FHIT: variants seen among roughly 807,000 people sequenced by gnomAD.
FHIT encodes the protein fragile histidine triad diadenosine triphosphatase, also known as bis(5'-adenosyl)-triphosphatase.
FHIT carries 19 observed loss-of-function variants against 17.9 expected under a neutral mutation model. The observed-to-expected ratio is 1.06, with a 90% confidence interval of 0.74 to 1.56. FHIT has a LOEUF of 1.56. Among genes scored for constraint, FHIT ranks in the 40% most tolerant of loss-of-function variants. The probability of loss-of-function intolerance (pLI) is 0.00; values close to 1 mark genes in which losing one functional copy is unlikely to be tolerated. For missense variants in FHIT, 248 were observed against 189.2 expected (o/e 1.31, Z -1.82); for synonymous variants, 81 against 69.7 (o/e 1.16, Z -0.81).
chr3:60,266,146 AC>A (rs1278082625), intron 5 of FHIT, among the ~76,000 whole-genome samples: 1 of 152,090 alleles, frequency 6.6e-6, no homozygotes, highest in African/African-American at 2.4e-5. Context: ...AAGTGGAAAC[AC>A]CCCAAATTTC....
At chr3:60,668,403 C>T (rs1399498209) in intron 4 of FHIT, among the ~76,000 whole-genome samples, 2 of 139,358 alleles carry the variant, frequency 1.4e-5, no homozygotes, top group Non-Finnish European at 1.6e-5. Context: ...AAAAATCAGC[C>T]TCCCTGAGCT....
chr3:60,418,652 G>A (rs1702357010), intron 5 of FHIT, among the ~76,000 whole-genome samples: 1 of 142,084 alleles, frequency 7.0e-6, no homozygotes, highest in South Asian at 2.2e-4. Context: ...GCAAAGTAAT[G>A]AGAAAAAAGT....
chr3:60,861,164 TC>T (rs1415494490), intron 3 of FHIT, among the ~76,000 whole-genome samples: 2 of 31,034 alleles, frequency 6.4e-5, no homozygotes, highest in Non-Finnish European at 1.1e-4. Context: ...TACATATATA[TC>T]ATATGTTCTA....
intron 5 of FHIT, among the ~76,000 whole-genome samples, chr3:60,068,680 A>G (rs2630175): frequency 0.33 from 50,523 of 151,874 alleles, 9,652 homozygotes; most frequent in African/African-American, 0.53. Flanking sequence ...GATTTCATAC[A>G]CATCTAAATT....
intron 4 of FHIT, among the ~76,000 whole-genome samples, chr3:60,612,584 T>C (rs2038820072): frequency 6.6e-6 from 1 of 152,208 alleles, no homozygotes; most frequent in Non-Finnish European, 1.5e-5. Context: ...ATTTGTGCCC[T>C]TCTTATAGCC....
intron 4 of FHIT, among the ~76,000 whole-genome samples, chr3:60,627,813 C>T (rs7633753): frequency 0.13 from 19,049 of 152,214 alleles, 1,436 homozygotes; most frequent in Non-Finnish European, 0.17. Flanking sequence ...TGAGCCACTG[C>T]GCCTGGCCAG....
At chr3:60,124,009 T>TATATAGAGAGAG (rs1384962194) in intron 5 of FHIT, among the ~76,000 whole-genome samples, 1 of 12,156 alleles carries the variant, frequency 8.2e-5, no homozygotes, top group Non-Finnish European at 1.5e-4. Context: ...TATATATATA[T>TATATAGAGAGAG]AGAGAGAGAG....
In FHIT at chr3:60,595,578, C is replaced by T. The variant is rs543734498; in HGVS notation, c.-17-58599G>A. 2.0e-3 allele frequency among the ~76,000 whole-genome samples: 294 copies of T among 149,738 alleles called. 4 individuals are homozygous for T. The highest frequency in any genetic ancestry group is 3.4e-3 in the Middle Eastern group (1 of 290). ...ATGGACATATGTGTATATATATATA[C>T]GCACATACGTATGTGTATATACGTG... is the stretch of plus-strand genomic sequence containing the variant. On this transcript the variant is annotated intron_variant, in intron 4 of 9. Transcript: ENST00000492590.
intron 7 of FHIT, among the ~76,000 whole-genome samples, chr3:59,966,777 T>A (rs1489475135): frequency 6.6e-6 from 1 of 152,112 alleles, no homozygotes; most frequent in Non-Finnish European, 1.5e-5. Flanking sequence ...GGTGACTGAA[T>A]TTGAAGGCCT....
intron 8 of FHIT, among the ~76,000 whole-genome samples, chr3:59,782,064 T>C (rs1489720892): frequency 6.6e-6 from 1 of 152,172 alleles, no homozygotes; most frequent in Non-Finnish European, 1.5e-5. Flanking sequence ...GACTTCCAAT[T>C]TATAGTGAAG....
At chr3:60,188,786 G>A (rs996859555) in intron 5 of FHIT, among the ~76,000 whole-genome samples, 1 of 151,778 alleles carries the variant, frequency 6.6e-6, no homozygotes, top group African/African-American at 2.4e-5. Flanking sequence ...ACTTCTCAAA[G>A]AAAGAAAAAA....
chr3:59,986,946 CATATATGT>C (rs1240983713), intron 7 of FHIT, among the ~76,000 whole-genome samples: 2 of 114,982 alleles, frequency 1.7e-5, no homozygotes, highest in Non-Finnish European at 3.4e-5. Context: ...GATTTATATA[CATATATGT>C]ATATATGTAT....
At chr3:60,731,036 CAGG>C (rs2042018476) in intron 4 of FHIT, among the ~76,000 whole-genome samples, 1 of 151,710 alleles carries the variant, frequency 6.6e-6, no homozygotes, top group Admixed American at 6.6e-5. Context: ...GAGGCTGAGG[CAGG>C]AGAATTGCTT....
chr3:60,440,933 T>C (rs1006873384), intron 5 of FHIT, among the ~76,000 whole-genome samples: 1 of 152,154 alleles, frequency 6.6e-6, no homozygotes, highest in Non-Finnish European at 1.5e-5. Flanking sequence ...ACGATTCTGA[T>C]ACTCTACCAA....
intron 5 of FHIT, among the ~76,000 whole-genome samples, chr3:60,372,689 T>C (rs1418362275): frequency 6.6e-6 from 1 of 152,230 alleles, no homozygotes; most frequent in Non-Finnish European, 1.5e-5. Flanking sequence ...TTAACCTCTT[T>C]TTAAAAAGCT....
intron 5 of FHIT, among the ~76,000 whole-genome samples, chr3:60,531,978 A>C (rs2035803647): frequency 6.6e-6 from 1 of 152,198 alleles, no homozygotes; most frequent in Non-Finnish European, 1.5e-5. Context: ...ATGTTCTTAA[A>C]GTTACCTAGT....
intron 5 of FHIT, among the ~76,000 whole-genome samples, chr3:60,127,269 T>A (rs1275170554): frequency 6.6e-6 from 1 of 152,206 alleles, no homozygotes; most frequent in East Asian, 1.9e-4. Context: ...TACCCAGACC[T>A]TTAGATAATT....
chr3:61,242,941 T>A (rs1376712622), intron 1 of FHIT, among the ~76,000 whole-genome samples: 1 of 152,182 alleles, frequency 6.6e-6, no homozygotes, highest in Non-Finnish European at 1.5e-5. Flanking sequence ...TGGGGAGGTT[T>A]AGAATCTTGT....
At chr3:60,618,629 A>G (rs554808433) in intron 4 of FHIT, among the ~76,000 whole-genome samples, 43 of 152,346 alleles carry the variant, frequency 2.8e-4, no homozygotes, top group Non-Finnish European at 4.0e-4. Context: ...GGCCACACCT[A>G]AAGATGTCAA....
Sources: allele counts gnomAD v4.1 joint callset (sites outside exome capture counted in the v4.1 genomes callset), GRCh38; gene constraint gnomAD v4.1.1; transcripts MANE v1.5; gene names NCBI Gene and HGNC (gene_info 2026-07-23, HGNC 2026-07-21).